ARHGAP15: variants seen among roughly 807,000 people sequenced by gnomAD.
ARHGAP15 encodes Rho GTPase activating protein 15, also known as rho GTPase-activating protein 15.
Under a neutral mutation model 63.7 loss-of-function variants are expected in ARHGAP15, and 51 were observed. That is an observed-to-expected ratio of 0.80 (90% CI 0.64 to 1.01). ARHGAP15 has a LOEUF of 1.01. ARHGAP15 is among the 50% of genes least tolerant of loss of function. The pLI, the probability that ARHGAP15 is intolerant of heterozygous loss-of-function variation, is 0.00. For synonymous variants in ARHGAP15, 191 were observed against 193.8 expected (o/e 0.99, Z 0.12); for missense variants, 560 against 564.6 (o/e 0.99, Z 0.08).
At position 143,256,393 on chromosome 2, in the gene ARHGAP15, T is replaced by C. The variant is rs543421583; in HGVS notation, c.474+5793T>C. 5.3e-5 allele frequency among the ~76,000 whole-genome samples: 8 copies of C among 152,276 alleles called. No homozygotes were observed. In the East Asian group the frequency reaches 1.5e-3, roughly 29 times the overall value. The stretch of plus-strand genomic sequence containing the variant: ...TGATATTTAATACACAACATGAAAA[T>C]CTTTTTATTGTGTGACTAAGAATAT... On this transcript the variant is annotated intron_variant, in intron 6 of 13. Transcript: ENST00000295095.
chr2:143,323,562 T>G (rs143266655), intron 6 of ARHGAP15, among the ~76,000 whole-genome samples: 1 of 152,134 alleles, frequency 6.6e-6, no homozygotes, highest in African/African-American at 2.4e-5. Context: ...ACCTCAAAAA[T>G]GATTCAGTGG....
At position 143,330,094 on chromosome 2, in the gene ARHGAP15, C is replaced by CAAAAAAAAA. The variant is rs1303438123; in HGVS notation, c.474+79523_474+79531dup. ...TGGGTGACAGAGCAAGGCTCTGTCTCAAAAAAAAAAAAAAAAAAAAAAAAA... is the reference window on the plus strand; with the variant it reads ...TGGGTGACAGAGCAAGGCTCTGTCTCAAAAAAAAAAAAAAAAAAAAAAAAAAAAAAAAAA... On this transcript the variant is annotated intron_variant, in intron 6 of 13. Coordinates refer to ENST00000295095, the MANE Select transcript of ARHGAP15 (RefSeq NM_018460.4). Among the ~76,000 whole-genome samples the CAAAAAAAAA allele has an allele frequency of 4.8e-3, 8 of 1,668 alleles. 1 individual carries two copies. Among genetic ancestry groups the CAAAAAAAAA allele is most frequent in the Non-Finnish European group, 9.7e-3 (7 of 722 alleles). 1.1% of individuals were successfully genotyped at this position (1,668 alleles called of 152,430 possible).
At chr2:143,233,722 C>T (rs1287124746) in intron 5 of ARHGAP15, among the ~76,000 whole-genome samples, 1 of 149,834 alleles carries the variant, frequency 6.7e-6, no homozygotes, top group African/African-American at 2.5e-5. Context: ...TCTTGGCTCA[C>T]TACAACCTCT....
At chr2:143,148,016 A>G (rs563417962) in intron 1 of ARHGAP15, among the ~76,000 whole-genome samples, 19 of 152,150 alleles carry the variant, frequency 1.2e-4, no homozygotes, top group African/African-American at 3.6e-4. Context: ...CAGGATCTAT[A>G]AGACAAAATC....
intron 1 of ARHGAP15, among the ~76,000 whole-genome samples, chr2:143,132,810 C>T (rs974978131): frequency 9.9e-5 from 15 of 152,206 alleles, no homozygotes; most frequent in African/African-American, 3.6e-4. Context: ...TCTTCAAATT[C>T]CATAATTGTA....
rs1350370791 is a variant in ARHGAP15 at position 143,228,663 on chromosome 2, A to G, written c.379A>G (p.Asn127Asp). The G allele has an allele frequency of 6.4e-7, 1 of 1,565,870 alleles. No individual in the cohort carries two copies. The highest frequency in any genetic ancestry group is 1.2e-5 in the South Asian group (1 of 83,250). ...YKESKQQALS[N>D]MKTGHKPESV... is the part of the protein sequence containing the mutation. Reference sequence around the variant, plus strand: ...AGAATCCAAGCAACAGGCTCTGTCCAATATGGTAAGTAATTCTCTGTTTCT... The same window carrying G: ...AGAATCCAAGCAACAGGCTCTGTCCGATATGGTAAGTAATTCTCTGTTTCT... The change falls in exon 5 of 14, where the codon AAT (asparagine) becomes GAT (aspartate). Residue 127 changes from asparagine (N) to aspartate (D), a missense_variant. Coordinates refer to ENST00000295095, the MANE Select transcript of ARHGAP15 (RefSeq NM_018460.4).
intron 11 of ARHGAP15, among the ~76,000 whole-genome samples, chr2:143,603,189 A>T (rs1268046823): frequency 6.6e-6 from 1 of 152,200 alleles, no homozygotes; most frequent in Non-Finnish European, 1.5e-5. Flanking sequence ...TCCTTGAGTC[A>T]TGTGAAGTAG....
chr2:143,751,985 T>A (rs1667861256), intron 13 of ARHGAP15, among the ~76,000 whole-genome samples: 1 of 152,136 alleles, frequency 6.6e-6, no homozygotes, highest in Admixed American at 6.5e-5. Context: ...ATTTGATATA[T>A]CATTCAAATA....
chr2:143,569,171 CAAAA>C (rs34628456), intron 11 of ARHGAP15, among the ~76,000 whole-genome samples: 7 of 150,420 alleles, frequency 4.7e-5, no homozygotes, highest in African/African-American at 1.7e-4. Flanking sequence ...ATAATTTAAA[CAAAA>C]AAAAAGCCTA....
At chr2:143,300,382 A>G (rs956201247) in intron 6 of ARHGAP15, among the ~76,000 whole-genome samples, 1 of 152,040 alleles carries the variant, frequency 6.6e-6, no homozygotes, top group Admixed American at 6.6e-5. Context: ...AACTGTATAT[A>G]CTTTTACATA....
intron 6 of ARHGAP15, among the ~76,000 whole-genome samples, chr2:143,353,860 A>G (rs559671408): frequency 1.3e-5 from 2 of 152,304 alleles, no homozygotes; most frequent in South Asian, 4.1e-4. Flanking sequence ...TTGTCTTTTC[A>G]GTTCAAACAT....
At chr2:143,470,149 C>A in intron 8 of ARHGAP15, among the ~76,000 whole-genome samples, 1 of 3,186 alleles carries the variant, frequency 3.1e-4, no homozygotes, top group African/African-American at 3.7e-4. Flanking sequence ...GTATAAGTAT[C>A]CTTAAAAAAA....
rs181152418 is a variant in ARHGAP15, at chr2:143,701,070, A to G, written c.1139-2349A>G. On this transcript the variant is annotated intron_variant, in intron 12 of 13. Coordinates refer to ENST00000295095, the MANE Select transcript of ARHGAP15 (RefSeq NM_018460.4). ...ATATTATGTTGGAACTCTTCTAAGA[A>G]TAACTGCAATTTTGAAAGCTTTGAC... Among the ~76,000 whole-genome samples, 24 of 152,252 alleles carry G rather than the reference A, an allele frequency of 1.6e-4. No individual in the cohort carries two copies. In the East Asian group the frequency reaches 4.6e-3, roughly 29 times the overall value.
At chr2:143,409,978 A>T (rs1688376752) in intron 6 of ARHGAP15, among the ~76,000 whole-genome samples, 1 of 152,138 alleles carries the variant, frequency 6.6e-6, no homozygotes, top group African/African-American at 2.4e-5. Context: ...CCCCTATTCT[A>T]AAATAAAAAT....
chr2:143,542,621 CAT>C (rs35825662), intron 10 of ARHGAP15, among the ~76,000 whole-genome samples: 44 of 141,686 alleles, frequency 3.1e-4, no homozygotes, highest in South Asian at 6.6e-4. Flanking sequence ...GCATATATAT[CAT>C]ATATATATGA....
At chr2:143,484,932 A>G (rs916019474) in intron 8 of ARHGAP15, among the ~76,000 whole-genome samples, 1 of 152,156 alleles carries the variant, frequency 6.6e-6, no homozygotes, top group African/African-American at 2.4e-5. Context: ...TGTATAACAC[A>G]CTGGTGGAAA....
chr2:143,461,147 A>G (rs773887800), intron 8 of ARHGAP15, among the ~76,000 whole-genome samples: 22 of 151,650 alleles, frequency 1.5e-4, no homozygotes, highest in Non-Finnish European at 2.5e-4. Flanking sequence ...AAAATTAGCC[A>G]GGCACGGTGG....
chr2:143,358,923 G>GT (rs1685922596), intron 6 of ARHGAP15, among the ~76,000 whole-genome samples: 1 of 148,760 alleles, frequency 6.7e-6, no homozygotes, highest in Non-Finnish European at 1.5e-5. Context: ...TCTGTTTAAT[G>GT]TAAAAAAAAA....
chr2:143,142,509 T>C (rs1282062658), intron 1 of ARHGAP15, among the ~76,000 whole-genome samples: 1 of 152,094 alleles, frequency 6.6e-6, no homozygotes, highest in Non-Finnish European at 1.5e-5. Flanking sequence ...AAAAAAATCA[T>C]TAAAAGATGT....
Sources: gnomAD v4.1 joint callset for allele counts (sites outside exome capture counted in the v4.1 genomes callset) on GRCh38, gnomAD v4.1.1 for gene constraint, MANE v1.5 for transcripts, NCBI Gene and HGNC (gene_info 2026-07-23, HGNC 2026-07-21) for gene names.